The following PTPRN2 variants were observed in gnomAD, a reference collection of about 807,000 sequenced individuals.
PTPRN2 encodes receptor-type tyrosine-protein phosphatase N2.
A neutral mutation model predicts 118.8 loss-of-function variants in PTPRN2; 74 were observed. That is an observed-to-expected ratio of 0.62 (90% CI 0.52 to 0.76). The LOEUF is 0.76. Among genes scored for constraint, PTPRN2 ranks in the 30% least tolerant of loss-of-function variants. The pLI is 0.00. For synonymous variants in PTPRN2, 641 were observed against 608.0 expected (o/e 1.05, Z -0.80); for missense variants, 1,481 against 1,394.4 (o/e 1.06, Z -0.99).
chr7:157,687,988 C>T (rs1405007012), intron 12 of PTPRN2, among the ~76,000 whole-genome samples: 1 of 152,172 alleles, frequency 6.6e-6, no homozygotes, highest in Non-Finnish European at 1.5e-5. Context: ...GAGCAAGAGG[C>T]ACTGCGGTCT....
intron 11 of PTPRN2, among the ~76,000 whole-genome samples, chr7:157,916,712 C>G (rs1468582719): frequency 2.0e-5 from 3 of 152,268 alleles, no homozygotes; most frequent in African/African-American, 4.8e-5. Flanking sequence ...TGCACGTCCC[C>G]TCCCCGGCTG....
intron 2 of PTPRN2, among the ~76,000 whole-genome samples, chr7:158,484,353 C>T (rs1335131187): frequency 6.6e-6 from 1 of 152,046 alleles, no homozygotes; most frequent in Non-Finnish European, 1.5e-5. Flanking sequence ...GACTTATTTA[C>T]TTATTTATTT....
chr7:158,329,982 G>C (rs1044008799), intron 2 of PTPRN2, among the ~76,000 whole-genome samples: 4 of 152,016 alleles, frequency 2.6e-5, no homozygotes, highest in African/African-American at 9.7e-5. Flanking sequence ...CTCACCATAA[G>C]AGCTCACGCC....
At chr7:157,937,207 C>T (rs951364995) in intron 11 of PTPRN2, among the ~76,000 whole-genome samples, 1 of 152,260 alleles carries the variant, frequency 6.6e-6, no homozygotes, top group South Asian at 2.1e-4. Context: ...GGTCCTTAGC[C>T]CGAGTGACCA....
chr7:158,341,237 A>G, intron 2 of PTPRN2, among the ~76,000 whole-genome samples: 1 of 151,402 alleles, frequency 6.6e-6, no homozygotes, highest in East Asian at 2.0e-4. Context: ...CACTCTCACC[A>G]TAATTGGTGA....
At chr7:158,416,390 G>T (rs953665322) in intron 2 of PTPRN2, among the ~76,000 whole-genome samples, 1 of 152,204 alleles carries the variant, frequency 6.6e-6, no homozygotes, top group Non-Finnish European at 1.5e-5. Context: ...CATGTTAACC[G>T]AGTAACTACA....
chr7:157,941,869 G>A (rs566266017), intron 11 of PTPRN2, among the ~76,000 whole-genome samples: 2 of 152,242 alleles, frequency 1.3e-5, no homozygotes, highest in African/African-American at 4.8e-5. Flanking sequence ...TGGCCAGGCT[G>A]AGTGCCCATC....
At chr7:158,522,553 C>A (rs866283266) in intron 1 of PTPRN2, among the ~76,000 whole-genome samples, 1 of 151,816 alleles carries the variant, frequency 6.6e-6, no homozygotes, top group African/African-American at 2.4e-5. Flanking sequence ...TGTGTTCTGG[C>A]ACCACTGTGT....
intron 3 of PTPRN2, among the ~76,000 whole-genome samples, chr7:158,251,793 C>G (rs1355749496): frequency 6.6e-6 from 1 of 152,118 alleles, no homozygotes; most frequent in African/African-American, 2.4e-5. Flanking sequence ...CCCCTCATTA[C>G]CTCACATGCG....
chr7:158,500,855 G>C (rs1437852384), intron 1 of PTPRN2, among the ~76,000 whole-genome samples: 1 of 152,258 alleles, frequency 6.6e-6, no homozygotes, highest in Non-Finnish European at 1.5e-5. Flanking sequence ...AATGCGTCCG[G>C]AGCAGGCCAG....
At chr7:157,543,805 C>T (rs1382299254) in intron 22 of PTPRN2, among the ~76,000 whole-genome samples, 4 of 152,220 alleles carry the variant, frequency 2.6e-5, no homozygotes, top group East Asian at 1.9e-4. Flanking sequence ...GAGGATGACA[C>T]ACCTTCCTGT....
intron 9 of PTPRN2, among the ~76,000 whole-genome samples, chr7:158,112,974 C>T (rs958587520): frequency 5.3e-5 from 8 of 152,088 alleles, no homozygotes; most frequent in East Asian, 3.9e-4. Flanking sequence ...GCACCTAAGA[C>T]GGAGCCTTGC....
At chr7:158,142,209 C>A (rs761870360) in intron 6 of PTPRN2, among the ~76,000 whole-genome samples, 1 of 152,236 alleles carries the variant, frequency 6.6e-6, no homozygotes, top group South Asian at 2.1e-4. Context: ...CCGGAGCCCA[C>A]GCCCGCCTCC....
intron 1 of PTPRN2, among the ~76,000 whole-genome samples, chr7:158,560,990 C>T (rs67139007): frequency 0.28 from 42,465 of 152,084 alleles, 6,107 homozygotes; most frequent in South Asian, 0.41. Context: ...TCAATAAGGC[C>T]CATTCACATG....
rs1012560878 is a variant in PTPRN2, at chr7:157,585,782, C to T, written c.2497-7642G>A. On this transcript the variant is annotated intron_variant, in intron 17 of 22. Coordinates refer to ENST00000389418, the MANE Select transcript of PTPRN2 (RefSeq NM_002847.5). The surrounding 1 kb of genome is among the most constrained non-coding windows in gnomAD (Gnocchi z 5.2). ...AGGAGTGGGGATGGGAGGAGCTGGC[C>T]GGAGGCTGGGAACCAATCACACACA... Among the ~76,000 whole-genome samples the T allele has an allele frequency of 3.3e-5, 5 of 152,126 alleles. No individual in the cohort carries two copies. Among genetic ancestry groups the T allele is most frequent in the Non-Finnish European group, 7.4e-5 (5 of 68,018 alleles).
chr7:157,691,305 C>G (rs1350884982), intron 12 of PTPRN2, among the ~76,000 whole-genome samples: 1 of 134,024 alleles, frequency 7.5e-6, no homozygotes, highest in African/African-American at 2.7e-5. Context: ...AGTCAAGGCG[C>G]GCGGCTCTGC....
intron 2 of PTPRN2, among the ~76,000 whole-genome samples, chr7:158,393,192 C>T (rs748624991): frequency 4.6e-5 from 7 of 152,196 alleles, no homozygotes; most frequent in South Asian, 2.1e-4. Flanking sequence ...GCGCCTCCAA[C>T]GCACCCTCCT....
intron 2 of PTPRN2, among the ~76,000 whole-genome samples, chr7:158,351,569 C>T (rs571313785): frequency 3.3e-5 from 5 of 152,292 alleles, no homozygotes; most frequent in South Asian, 2.1e-4. Context: ...TCTTACTACA[C>T]GAAACATGGT....
At chr7:158,363,124 A>G (rs575431391) in intron 2 of PTPRN2, among the ~76,000 whole-genome samples, 1 of 152,302 alleles carries the variant, frequency 6.6e-6, no homozygotes, top group Admixed American at 6.5e-5. Flanking sequence ...CCCTGGGGCC[A>G]GATGGCCAGC....
Sources: gnomAD v4.1 joint callset for allele counts (sites outside exome capture counted in the v4.1 genomes callset) on GRCh38, gnomAD v4.1.1 for gene constraint, Gnocchi (gnomAD v3.1) non-coding constraint, MANE v1.5 for transcripts, NCBI Gene and HGNC (gene_info 2026-07-23, HGNC 2026-07-21) for gene names.